Variants in OPHN1 observed in about 807,000 individuals in gnomAD.
OPHN1 encodes the protein oligophrenin 1.
In OPHN1, 11 loss-of-function variants were observed where a neutral mutation model predicts 60.7. The observed-to-expected ratio is 0.18, with a 90% confidence interval of 0.11 to 0.30. The LOEUF (loss-of-function observed/expected upper bound fraction) is 0.30, where lower values mean the gene tolerates loss of function less well. Ranked by LOEUF, OPHN1 falls within the 10% of genes least tolerant of loss-of-function variation. The pLI, the probability that OPHN1 is intolerant of heterozygous loss-of-function variation, is 1.00. For missense variants in OPHN1, 449 were observed against 611.0 expected (o/e 0.73, Z 2.80); for synonymous variants, 226 against 222.6 (o/e 1.02, Z -0.14).
At position 68,111,846 on chromosome X, in the gene OPHN1, T is replaced by C. The variant is rs751260881; in HGVS notation, c.1526+8A>G. On this transcript the variant is annotated splice_region_variant and intron_variant, in intron 18 of 24. Transcript: ENST00000355520. Reference sequence around the variant, plus strand: ...GGAACTTTTTCTGAAAATCCAGCAGTTACTTACTTGACCAAGTGTCTTATC... The same window carrying C: ...GGAACTTTTTCTGAAAATCCAGCAGCTACTTACTTGACCAAGTGTCTTATC... 4.1e-5 allele frequency: 48 copies of C among 1,158,902 alleles called. 1 individual carries two copies. In the South Asian group the frequency reaches 8.6e-4, roughly 21 times the overall value.
intron 2 of OPHN1, among the ~76,000 whole-genome samples, chrX:68,398,846 G>A (rs1221446043): frequency 9.0e-6 from 1 of 110,893 alleles, no homozygotes; most frequent in Admixed American, 9.7e-5. Flanking sequence ...CTACTCAGGA[G>A]GCTGAGGCAC....
Position 68,369,909 on chromosome X carries a change from A to G in OPHN1, c.154+62958T>C, listed in dbSNP as rs752067713. ...AGACAGTCTTGAAAGCTGCAAGAAA[A>G]AAGCAACTTACCATGTATAAGGCTC... On this transcript the variant is annotated intron_variant, in intron 2 of 24. Coordinates refer to ENST00000355520, the MANE Select transcript of OPHN1 (RefSeq NM_002547.3). Among the ~76,000 whole-genome samples, 9 of 105,374 alleles carry G rather than the reference A, an allele frequency of 8.5e-5. No homozygotes were observed. In the South Asian group the frequency reaches 1.3e-3, roughly 15 times the overall value. 91.5% of individuals were successfully genotyped at this position (105,374 alleles called of 115,157 possible).
chrX:68,202,802 G>A (rs1266686868), intron 10 of OPHN1, among the ~76,000 whole-genome samples: 1 of 111,040 alleles, frequency 9.0e-6, no homozygotes, highest in Non-Finnish European at 1.9e-5. Context: ...GCCTATGCTA[G>A]GTATTTTTAA....
intron 6 of OPHN1, among the ~76,000 whole-genome samples, chrX:68,224,005 T>C (rs745971504): frequency 1.1e-3 from 127 of 111,634 alleles, no homozygotes; most frequent in African/African-American, 4.0e-3. Context: ...CTATTAGAGT[T>C]GGAGACTTCA....
chrX:68,321,514 C>G (rs1489578396), intron 2 of OPHN1, among the ~76,000 whole-genome samples: 1 of 112,034 alleles, frequency 8.9e-6, no homozygotes, highest in East Asian at 2.8e-4. Flanking sequence ...TGAAGCCACA[C>G]AGGTTTGCAG....
chrX:68,264,235 C>T (rs986632968), intron 5 of OPHN1, among the ~76,000 whole-genome samples: 1 of 111,461 alleles, frequency 9.0e-6, no homozygotes, highest in African/African-American at 3.3e-5. Flanking sequence ...GCAATGGCAA[C>T]AAAAGACAAA....
At chrX:68,289,804 A>C (rs750006885) in intron 3 of OPHN1, among the ~76,000 whole-genome samples, 1 of 112,905 alleles carries the variant, frequency 8.9e-6, no homozygotes, top group East Asian at 2.8e-4. Flanking sequence ...GAAAACACAT[A>C]AAATGTCCAA....
At chrX:68,395,531 T>TC (rs1292236399) in intron 2 of OPHN1, among the ~76,000 whole-genome samples, 1 of 107,772 alleles carries the variant, frequency 9.3e-6, no homozygotes, top group Non-Finnish European at 1.9e-5. Flanking sequence ...CACTGCAACC[T>TC]CTGCCTCCCA....
intron 2 of OPHN1, among the ~76,000 whole-genome samples, chrX:68,304,234 T>C (rs942435858): frequency 9.0e-6 from 1 of 111,399 alleles, no homozygotes; most frequent in African/African-American, 3.3e-5. Context: ...CAATCTTTTA[T>C]AAAATAAATG....
chrX:68,205,732 C>T (rs1302450432), intron 10 of OPHN1, among the ~76,000 whole-genome samples: 2 of 111,572 alleles, frequency 1.8e-5, no homozygotes, highest in African/African-American at 6.5e-5. Flanking sequence ...CTCCAAATTC[C>T]TCCCTACCTA....
At chrX:68,174,466 A>C (rs868319305) in intron 15 of OPHN1, among the ~76,000 whole-genome samples, 1,028 of 66,746 alleles carry the variant, frequency 0.015, 13 homozygotes, top group Middle Eastern at 0.056. Context: ...TTATTAACTT[A>C]TTCTTTTTTT....
At chrX:68,424,098 C>T (rs2078843212) in intron 2 of OPHN1, among the ~76,000 whole-genome samples, 1 of 110,326 alleles carries the variant, frequency 9.1e-6, no homozygotes, top group African/African-American at 3.3e-5. Flanking sequence ...ACCCAGGAGG[C>T]GGAGGTTGCA....
intron 5 of OPHN1, among the ~76,000 whole-genome samples, chrX:68,246,625 G>A (rs1018756677): frequency 6.3e-5 from 7 of 111,342 alleles, no homozygotes; most frequent in East Asian, 2.8e-4. Context: ...AGTCAAGGAC[G>A]GTATCTTATT....
intron 6 of OPHN1, among the ~76,000 whole-genome samples, chrX:68,227,615 C>T (rs1294515359): frequency 9.0e-6 from 1 of 111,511 alleles, no homozygotes; most frequent in East Asian, 2.8e-4. Context: ...CTCAAAACCG[C>T]TCAACTACAT....
chrX:68,377,739 G>T (rs1468896398), intron 2 of OPHN1, among the ~76,000 whole-genome samples: 1 of 110,651 alleles, frequency 9.0e-6, no homozygotes, highest in East Asian at 2.8e-4. Context: ...TTTCATCCAT[G>T]TCCCTACAAA....
intron 4 of OPHN1, among the ~76,000 whole-genome samples, chrX:68,279,880 A>C (rs1443845526): frequency 8.9e-6 from 1 of 112,146 alleles, no homozygotes; most frequent in Non-Finnish European, 1.9e-5. Flanking sequence ...AAGGGTGAGA[A>C]AAACAACATC....
chrX:68,280,665 G>T (rs1466314795), intron 4 of OPHN1, among the ~76,000 whole-genome samples: 1 of 111,585 alleles, frequency 9.0e-6, no homozygotes, highest in Non-Finnish European at 1.9e-5. Flanking sequence ...TTACCATCAT[G>T]CCCCTAATAA....
intron 15 of OPHN1, among the ~76,000 whole-genome samples, chrX:68,139,330 T>C (rs922809014): frequency 4.5e-5 from 5 of 112,043 alleles, no homozygotes; most frequent in African/African-American, 1.3e-4. Flanking sequence ...ATTATGGCTA[T>C]ATGTTTTTTA....
chrX:68,417,961 T>C (rs2078807209), intron 2 of OPHN1, among the ~76,000 whole-genome samples: 1 of 112,680 alleles, frequency 8.9e-6, no homozygotes, highest in African/African-American at 3.2e-5. Context: ...ATAGCTTTGG[T>C]AATAATGTCA....
Sources: allele counts gnomAD v4.1 joint callset (sites outside exome capture counted in the v4.1 genomes callset), GRCh38; gene constraint gnomAD v4.1.1; transcripts MANE v1.5; gene names NCBI Gene and HGNC (gene_info 2026-07-23, HGNC 2026-07-21).